Variants in FHIT observed in about 807,000 individuals in gnomAD.
The protein encoded by FHIT is fragile histidine triad diadenosine triphosphatase, also known as bis(5'-adenosyl)-triphosphatase.
In FHIT, 19 loss-of-function variants were observed where a neutral mutation model predicts 17.9. The observed-to-expected ratio is 1.06, with a 90% CI of 0.74 to 1.56. FHIT has a LOEUF of 1.56. Among genes scored for constraint, FHIT ranks in the 40% most tolerant of loss-of-function variants. FHIT has a pLI of 0.00. For missense variants in FHIT, 248 were observed against 189.2 expected (o/e 1.31, Z -1.82); for synonymous variants, 81 against 69.7 (o/e 1.16, Z -0.81).
intron 4 of FHIT, among the ~76,000 whole-genome samples, chr3:60,596,601 C>A (rs1553666585): frequency 6.6e-6 from 1 of 152,142 alleles, no homozygotes; most frequent in African/African-American, 2.4e-5. Flanking sequence ...ATTTCCTACA[C>A]AGTCTCATAG....
intron 3 of FHIT, among the ~76,000 whole-genome samples, chr3:61,027,443 A>T (rs1161497201): frequency 6.6e-6 from 1 of 152,214 alleles, no homozygotes; most frequent in Non-Finnish European, 1.5e-5. Context: ...GTATTTGTAG[A>T]GTGGAAACAC....
chr3:60,361,945 C>T (rs539286418), intron 5 of FHIT, among the ~76,000 whole-genome samples: 151 of 152,236 alleles, frequency 9.9e-4, no homozygotes, highest in Non-Finnish European at 1.8e-3. Context: ...TTTCTCCTTC[C>T]TTTCTTAAAT....
At chr3:61,103,624 T>A (rs2035901990) in intron 2 of FHIT, among the ~76,000 whole-genome samples, 2 of 152,184 alleles carry the variant, frequency 1.3e-5, no homozygotes, top group South Asian at 4.1e-4. Flanking sequence ...ACCTTCCATC[T>A]CATTGATCTG....
At chr3:60,225,469 T>C (rs1448002607) in intron 5 of FHIT, among the ~76,000 whole-genome samples, 3 of 152,026 alleles carry the variant, frequency 2.0e-5, no homozygotes, top group Non-Finnish European at 4.4e-5. Flanking sequence ...GACTAGGAGG[T>C]ATTATCTAGG....
intron 4 of FHIT, among the ~76,000 whole-genome samples, chr3:60,713,268 A>G (rs2107941913): frequency 6.6e-6 from 1 of 150,874 alleles, no homozygotes; most frequent in South Asian, 2.1e-4. Context: ...TCTGGGACAC[A>G]TTCAAAGCAG....
chr3:60,321,408 C>G (rs1004955975), intron 5 of FHIT, among the ~76,000 whole-genome samples: 1 of 152,082 alleles, frequency 6.6e-6, no homozygotes, highest in Non-Finnish European at 1.5e-5. Context: ...CTCCGGAGGT[C>G]AAGTCTGCAG....
chr3:60,132,443 AG>A (rs1199783665), intron 5 of FHIT, among the ~76,000 whole-genome samples: 1 of 152,180 alleles, frequency 6.6e-6, no homozygotes, highest in Non-Finnish European at 1.5e-5. Flanking sequence ...CCATTTGAAA[AG>A]GGGGGAAAAA....
At chr3:59,997,336 G>A (rs1699555383) in intron 7 of FHIT, among the ~76,000 whole-genome samples, 1 of 152,162 alleles carries the variant, frequency 6.6e-6, no homozygotes, top group Admixed American at 6.5e-5. Flanking sequence ...CAAATTGCCA[G>A]AGAAGTCTGA....
chr3:60,915,029 T>A (rs148592190), intron 3 of FHIT, among the ~76,000 whole-genome samples: 32 of 152,230 alleles, frequency 2.1e-4, no homozygotes, highest in Non-Finnish European at 4.0e-4. Flanking sequence ...ACATAGTTCA[T>A]ACACCTCAAT....
intron 8 of FHIT, among the ~76,000 whole-genome samples, chr3:59,800,356 G>T (rs1378026212): frequency 6.6e-6 from 1 of 152,136 alleles, no homozygotes; most frequent in Non-Finnish European, 1.5e-5. Context: ...ACAACATAAT[G>T]ATCATAAACA....
At chr3:60,342,168 G>A (rs1333829344) in intron 5 of FHIT, among the ~76,000 whole-genome samples, 4 of 152,142 alleles carry the variant, frequency 2.6e-5, no homozygotes, top group Non-Finnish European at 5.9e-5. Flanking sequence ...GTGAGGGTGG[G>A]TCAGAGATTC....
At position 59,790,789 on chromosome 3, in the gene FHIT, T is replaced by C. The variant is rs1198960295; in HGVS notation, c.349-38468A>G. ...TCTATGAGAGCCAAATCACTACCTG[T>C]CTTGTTCATCATCACAGTCCCAGCA... On this transcript the variant is annotated intron_variant, in intron 8 of 9. Transcript: ENST00000492590. 2.0e-5 allele frequency among the ~76,000 whole-genome samples: 3 copies of C among 152,182 alleles called. No homozygotes were observed. The East Asian group carries it at 5.8e-4, about 29-fold the overall frequency.
rs572752196 is a variant in FHIT, at chr3:60,860,455, T to C, written c.-110-38444A>G. Reference sequence around the variant, plus strand: ...ATATATATCATGTATATATGATACATATGTACATATATATGTATATATGAT... The same window carrying C: ...ATATATATCATGTATATATGATACACATGTACATATATATGTATATATGAT... On this transcript the variant is annotated intron_variant, in intron 3 of 9. Coordinates refer to ENST00000492590, the MANE Select transcript of FHIT (RefSeq NM_002012.4). 8.6e-4 allele frequency among the ~76,000 whole-genome samples: 105 copies of C among 122,174 alleles called. 4 individuals carry two copies. Among genetic ancestry groups the C allele is most frequent in the African/African-American group, 3.2e-3 (103 of 32,030 alleles). The allele number at this position is 122,174 out of a possible 152,430, so 80.2% of individuals were successfully genotyped here.
intron 4 of FHIT, among the ~76,000 whole-genome samples, chr3:60,662,214 G>A (rs902095444): frequency 2.0e-5 from 3 of 152,134 alleles, no homozygotes; most frequent in Admixed American, 2.0e-4. Context: ...GTTGATTTTT[G>A]TGCAAAGTGA....
At chr3:59,766,918 G>A (rs560771920) in intron 8 of FHIT, among the ~76,000 whole-genome samples, 2 of 152,276 alleles carry the variant, frequency 1.3e-5, no homozygotes, top group East Asian at 1.9e-4. Context: ...GTAAAGCCTA[G>A]TAGCCAATTT....
rs76757184 is a variant in FHIT, at chr3:60,161,794, G to C, written c.104-147642C>G. Among the ~76,000 whole-genome samples the C allele has an allele frequency of 8.0e-3, 1,225 of 152,238 alleles. 5 individuals are homozygous for C. Among genetic ancestry groups the C allele is most frequent in the Middle Eastern group, 0.017 (5 of 294 alleles). ...GGCTGAAAGTCACAATCAGCATATG[G>C]AGACACACAAAGAGGGGCACCTGGG... On this transcript the variant is annotated intron_variant, in intron 5 of 9. Transcript: ENST00000492590.
intron 2 of FHIT, among the ~76,000 whole-genome samples, chr3:61,049,176 T>C (rs919951226): frequency 2.0e-5 from 3 of 151,392 alleles, no homozygotes; most frequent in Non-Finnish European, 2.9e-5. Context: ...TAATGACACA[T>C]GCATGAAAAC....
At chr3:60,115,417 C>T (rs1380527223) in intron 5 of FHIT, among the ~76,000 whole-genome samples, 1 of 152,064 alleles carries the variant, frequency 6.6e-6, no homozygotes, top group East Asian at 1.9e-4. Flanking sequence ...TACTCAACTT[C>T]ACTATATTCA....
At chr3:59,774,425 T>C (rs1702212243) in intron 8 of FHIT, among the ~76,000 whole-genome samples, 2 of 152,306 alleles carry the variant, frequency 1.3e-5, no homozygotes, top group South Asian at 4.2e-4. Context: ...CACTTTTTGG[T>C]GTGTGAGGTT....
Sources: gnomAD v4.1 joint callset for allele counts (sites outside exome capture counted in the v4.1 genomes callset) on GRCh38, gnomAD v4.1.1 for gene constraint, MANE v1.5 for transcripts, NCBI Gene and HGNC (gene_info 2026-07-23, HGNC 2026-07-21) for gene names.